HDAC9: variants seen among roughly 807,000 people sequenced by gnomAD.
The protein encoded by HDAC9 is MEF-2 interacting transcription repressor (MITR) protein.
In HDAC9, 41 loss-of-function variants were observed where a neutral mutation model predicts 139.4. The observed-to-expected ratio is 0.29, with a 90% confidence interval of 0.23 to 0.38. The LOEUF is 0.38. Among genes scored for constraint, HDAC9 ranks in the 10% least tolerant of loss-of-function variants. HDAC9 has a pLI of 1.00. For missense variants in HDAC9, 1,147 were observed against 1,297.0 expected (o/e 0.88, Z 1.78); for synonymous variants, 517 against 476.2 (o/e 1.09, Z -1.12).
intron 1 of HDAC9, among the ~76,000 whole-genome samples, chr7:18,469,486 G>A (rs914372014): frequency 6.6e-6 from 1 of 152,040 alleles, no homozygotes. Context: ...AGAAAAAAAA[G>A]CACATTTTAA....
chr7:18,496,168 C>T (rs1796886274), intron 1 of HDAC9, 94 bp from the exon 2 acceptor site: 1 of 1,452,792 alleles, frequency 6.9e-7, no homozygotes, highest in East Asian at 2.4e-5. Context: ...GGGGCCGGTG[C>T]ACTGAGCAGT....
chr7:18,732,869 ACACACACACGTGTGCGTATGTG>A (rs1562893159), intron 13 of HDAC9, among the ~76,000 whole-genome samples: 17 of 96,548 alleles, frequency 1.8e-4, no homozygotes, highest in East Asian at 1.6e-3. Context: ...GCGTATGTGT[ACACACACACGTGTGCGTATGTG>A]TACACACACA....
In HDAC9 at chr7:18,629,413, G is replaced by A; in HGVS notation, c.728G>A (p.Ser243Asn). 1 of 1,611,676 alleles carries A rather than the reference G, an allele frequency of 6.2e-7. No individual in the cohort carries two copies. The highest frequency in any genetic ancestry group is 8.5e-7 in the Non-Finnish European group (1 of 1,178,834). ...CAGAAAGTGGCAGAGAGGAGAAGCA[G>A]CCCCTTACTCAGGCGGAAGGATGGA... ...LKQKVAERRS[S>N]PLLRRKDGNV... Residue 243 changes from serine (S) to asparagine (N), a missense_variant, in exon 7 of 26, where the codon AGC becomes AAC. Physicochemically the swap from Ser to Asn is conservative, Grantham distance 46. Coordinates refer to ENST00000686413, the MANE Select transcript of HDAC9 (RefSeq NM_178425.4).
chr7:18,577,454 G>A (rs1714117868), intron 2 of HDAC9, among the ~76,000 whole-genome samples: 1 of 152,120 alleles, frequency 6.6e-6, no homozygotes, highest in Admixed American at 6.6e-5. Context: ...GAAATAATCA[G>A]TGGTTTCTCT....
At chr7:18,182,229 G>A (rs1177594345) in intron 2 of HDAC9, among the ~76,000 whole-genome samples, 2 of 152,140 alleles carry the variant, frequency 1.3e-5, no homozygotes, top group Non-Finnish European at 2.9e-5. Context: ...ATTTTTTCAA[G>A]GCAGGAGGGT....
intron 12 of HDAC9, among the ~76,000 whole-genome samples, chr7:18,701,991 G>C (rs1032421261): frequency 1.3e-5 from 2 of 152,200 alleles, no homozygotes; most frequent in African/African-American, 4.8e-5. Context: ...TTAGTTTCCT[G>C]CCTTCTCTCT....
At chr7:18,604,612 G>C (rs1007598470) in intron 6 of HDAC9, among the ~76,000 whole-genome samples, 1 of 151,880 alleles carries the variant, frequency 6.6e-6, no homozygotes, top group African/African-American at 2.4e-5. Flanking sequence ...TGTTAGCCAG[G>C]ATGGTCTTGA....
chr7:18,485,783 A>G (rs1195756482), intron 1 of HDAC9, among the ~76,000 whole-genome samples: 1 of 152,134 alleles, frequency 6.6e-6, no homozygotes, highest in Non-Finnish European at 1.5e-5. Flanking sequence ...GTGACTCAGA[A>G]AGGCTAAGTA....
At chr7:18,583,348 G>A (rs1223613991) in intron 2 of HDAC9, among the ~76,000 whole-genome samples, 3 of 152,084 alleles carry the variant, frequency 2.0e-5, no homozygotes, top group Admixed American at 1.3e-4. Flanking sequence ...AGTCAAATAA[G>A]CATTTAGATT....
At position 18,779,008 on chromosome 7, in the gene HDAC9, A is replaced by G. The variant is rs150659736; in HGVS notation, c.2214+11853A>G. Among the ~76,000 whole-genome samples, 790 of 152,178 alleles carry G rather than the reference A, an allele frequency of 5.2e-3. 7 individuals carry two copies. The highest frequency in any genetic ancestry group is 0.025 in the South Asian group (119 of 4,822). On this transcript the variant is annotated intron_variant, in intron 16 of 25. Coordinates refer to ENST00000686413, the MANE Select transcript of HDAC9 (RefSeq NM_178425.4). ...ATTTCACACCTTCTTTCCATATGGA[A>G]TATCAGTCACAGTATTCATTCATCA...
chr7:18,704,131 G>C (rs1055411349), intron 12 of HDAC9, among the ~76,000 whole-genome samples: 2 of 152,168 alleles, frequency 1.3e-5, no homozygotes, highest in Non-Finnish European at 2.9e-5. Context: ...AATGTTCTTG[G>C]TATAATCAGG....
chr7:18,320,077 G>A (rs936782595), intron 1 of HDAC9, among the ~76,000 whole-genome samples: 4 of 152,122 alleles, frequency 2.6e-5, no homozygotes, highest in Non-Finnish European at 4.4e-5. Flanking sequence ...GTCACTATAG[G>A]CAGCCTGACT....
At chr7:18,394,354 A>G (rs1041449213) in intron 1 of HDAC9, among the ~76,000 whole-genome samples, 1 of 152,164 alleles carries the variant, frequency 6.6e-6, no homozygotes, top group Non-Finnish European at 1.5e-5. Context: ...AAGAGGGAGC[A>G]TCGTCTAGAA....
intron 23 of HDAC9, among the ~76,000 whole-genome samples, chr7:18,938,957 G>T (rs956574906): frequency 1.5e-4 from 23 of 152,170 alleles, no homozygotes; most frequent in African/African-American, 5.6e-4. Context: ...TAAAGGTATT[G>T]CTGGACAATA....
intron 12 of HDAC9, among the ~76,000 whole-genome samples, chr7:18,698,130 T>G (rs1004738649): frequency 6.6e-6 from 1 of 152,208 alleles, no homozygotes; most frequent in African/African-American, 2.4e-5. Flanking sequence ...TCAAAAATTC[T>G]TTTTGATCAG....
chr7:18,738,843 C>T (rs966133293), intron 13 of HDAC9, among the ~76,000 whole-genome samples: 4 of 152,178 alleles, frequency 2.6e-5, no homozygotes, highest in Admixed American at 1.3e-4. Flanking sequence ...TGGATAGTAT[C>T]CTGAAGAGTG....
intron 2 of HDAC9, among the ~76,000 whole-genome samples, chr7:18,191,203 T>C (rs1261839964): frequency 6.6e-6 from 1 of 152,202 alleles, no homozygotes; most frequent in East Asian, 1.9e-4. Flanking sequence ...ACTGTATTCT[T>C]ACAATAAAGT....
intron 1 of HDAC9, among the ~76,000 whole-genome samples, chr7:18,316,463 A>G (rs1799644879): frequency 6.6e-6 from 1 of 152,034 alleles, no homozygotes; most frequent in Non-Finnish European, 1.5e-5. Flanking sequence ...TGTGACAAAA[A>G]ATAAATTTGG....
intron 16 of HDAC9, among the ~76,000 whole-genome samples, chr7:18,772,359 A>C (rs1790369421): frequency 6.6e-6 from 1 of 152,050 alleles, no homozygotes; most frequent in South Asian, 2.1e-4. Context: ...CCTTCTGTTT[A>C]TGCCAAAACT....
Sources: gnomAD v4.1 joint callset for allele counts (sites outside exome capture counted in the v4.1 genomes callset) on GRCh38, gnomAD v4.1.1 for gene constraint, MANE v1.5 for transcripts, NCBI Gene and HGNC (gene_info 2026-07-23, HGNC 2026-07-21) for gene names.